Variants in SLC30A6 observed in about 807,000 individuals in gnomAD.
The protein encoded by SLC30A6 is zinc transporter 6.
A neutral mutation model predicts 63.0 loss-of-function variants in SLC30A6; 55 were observed. That is an observed-to-expected ratio of 0.87 (90% CI 0.70 to 1.09). The LOEUF is 1.09. Among genes scored for constraint, SLC30A6 ranks in the 50% least tolerant of loss-of-function variants. The pLI is 0.00. For synonymous variants in SLC30A6, 224 were observed against 186.1 expected (o/e 1.20, Z -1.66); for missense variants, 587 against 549.2 (o/e 1.07, Z -0.69).
chr2:32,178,967 G>T (rs138689444), intron 4 of SLC30A6, among the ~76,000 whole-genome samples: 1 of 152,276 alleles, frequency 6.6e-6, no homozygotes, highest in East Asian at 1.9e-4. Context: ...GAGCTCAAAT[G>T]ATCCAGCTCA....
At chr2:32,176,636 C>T (rs1024863990) in intron 4 of SLC30A6, among the ~76,000 whole-genome samples, 16 of 146,476 alleles carry the variant, frequency 1.1e-4, no homozygotes, top group African/African-American at 3.0e-4. Context: ...CCAGCCTGGG[C>T]GACAGAGTGA....
At chr2:32,202,477 C>G in intron 10 of SLC30A6, 1 of 263,270 alleles carries the variant, frequency 3.8e-6, no homozygotes, top group Non-Finnish European at 7.3e-6. Context: ...CTACAGGCAC[C>G]CGCCACCACC....
rs1682926216 is a variant in SLC30A6 at position 32,187,318 on chromosome 2, G to A, written c.284+2980G>A. On this transcript the variant is annotated intron_variant, in intron 5 of 13. Transcript: ENST00000282587. Reference sequence around the variant, plus strand: ...TAATATTTATGGTAGGCAATAAAGAGCTAGCTAGAGTATTTCTGGAAAATA... The same window carrying A: ...TAATATTTATGGTAGGCAATAAAGAACTAGCTAGAGTATTTCTGGAAAATA... 7 of 455,850 alleles carry A rather than the reference G, an allele frequency of 1.5e-5. No homozygotes were observed. In the Admixed American group the frequency reaches 1.7e-4, roughly 11 times the overall value. The allele number at this position is 455,850 out of a possible 1,614,324, so 28.2% of individuals were successfully genotyped here. A position where few individuals can be genotyped will look rare whatever the true frequency, so the allele number is the denominator to read the frequency against.
chr2:32,208,590 ATT>A (rs1031366144), intron 12 of SLC30A6, among the ~76,000 whole-genome samples: 1 of 143,294 alleles, frequency 7.0e-6, no homozygotes, highest in Admixed American at 7.0e-5. Context: ...AAATGCTGTG[ATT>A]TTTTTTTTTT....
At chr2:32,186,417 G>A (rs1682817145) in intron 5 of SLC30A6, among the ~76,000 whole-genome samples, 1 of 152,342 alleles carries the variant, frequency 6.6e-6, no homozygotes, top group Middle Eastern at 3.4e-3. Flanking sequence ...CTGGTGCGGT[G>A]GCTTACGCCT....
chr2:32,219,114 A>G (rs978899454), intron 13 of SLC30A6, among the ~76,000 whole-genome samples: 3 of 151,392 alleles, frequency 2.0e-5, no homozygotes, highest in African/African-American at 7.3e-5. Context: ...GCTCACTGCA[A>G]CCTCCGCCTC....
At position 32,186,451 on chromosome 2, in the gene SLC30A6, C is replaced by G. The variant is rs1416130916; in HGVS notation, c.284+2113C>G. On this transcript the variant is annotated intron_variant, in intron 5 of 13. Transcript: ENST00000282587. ...CTATAATCCCGGGACTTCGGGAGGC[C>G]AAGGTGGGTGGATCACCTGAGGTCA... is the stretch of plus-strand genomic sequence containing the variant. Among the ~76,000 whole-genome samples, 4 of 152,184 alleles carry G rather than the reference C, an allele frequency of 2.6e-5. No individual in the cohort carries two copies. In the East Asian group the frequency reaches 7.7e-4, roughly 29 times the overall value.
At chr2:32,207,013 A>C (rs1277640052) in intron 12 of SLC30A6, 80 bp downstream of exon 12, 3 of 1,150,198 alleles carry the variant, frequency 2.6e-6, no homozygotes, top group African/African-American at 3.1e-5. Flanking sequence ...ACTTTATTCA[A>C]CTCTACCTAG....
intron 13 of SLC30A6, among the ~76,000 whole-genome samples, chr2:32,217,731 A>ATCCT (rs1394064250): frequency 6.6e-6 from 1 of 151,508 alleles, no homozygotes; most frequent in African/African-American, 2.4e-5. Context: ...ATCATCTGTG[A>ATCCT]TTTCTTTGAG....
chr2:32,199,656 CTA>C (rs1684095489), intron 10 of SLC30A6, among the ~76,000 whole-genome samples: 1 of 152,044 alleles, frequency 6.6e-6, no homozygotes, highest in South Asian at 2.1e-4. Context: ...TTTATTCTAA[CTA>C]TATTTTTATA....
chr2:32,175,147 T>TGGCTAC (rs1194803778), intron 3 of SLC30A6, among the ~76,000 whole-genome samples, 172 bp from the exon 4 acceptor site: 1 of 152,218 alleles, frequency 6.6e-6, no homozygotes, highest in Non-Finnish European at 1.5e-5. Context: ...CAACGAACTT[T>TGGCTAC]GGCTACATAT....
chr2:32,190,114 CCTT>C (rs568435636), intron 5 of SLC30A6, among the ~76,000 whole-genome samples: 2 of 152,182 alleles, frequency 1.3e-5, no homozygotes, highest in South Asian at 4.1e-4. Context: ...AGTATCTTCT[CCTT>C]CTTAGTTGCC....
At position 32,174,548 on chromosome 2, in the gene SLC30A6, ATTTTT is replaced by A. The variant is rs11432136; in HGVS notation, c.175+421_175+425del. On this transcript the variant is annotated intron_variant, in intron 3 of 13. Transcript: ENST00000282587. The stretch of plus-strand genomic sequence containing the variant: ...GAAAAATCATTAAATCTATCTGGAG[ATTTTT>A]TTTTTTTTTTTTTTTTTTTGAGACG... 7.6e-5 allele frequency among the ~76,000 whole-genome samples: 7 copies of A among 92,302 alleles called. No homozygotes were observed. In the East Asian group the frequency reaches 1.0e-3, roughly 14 times the overall value. The allele number at this position is 92,302 out of a possible 152,430, so 60.6% of individuals were successfully genotyped here.
At chr2:32,197,915 C>T in intron 10 of SLC30A6, 89 bp downstream of exon 10, 1 of 1,502,624 alleles carries the variant, frequency 6.7e-7, no homozygotes, top group Non-Finnish European at 9.0e-7. Flanking sequence ...GGTCAAGCTT[C>T]TAGCAGTTTC....
intron 9 of SLC30A6, 119 bp downstream of exon 9, chr2:32,197,511 A>G: frequency 8.1e-7 from 1 of 1,237,798 alleles, no homozygotes; most frequent in Non-Finnish European, 1.2e-6. Flanking sequence ...CACAGGTCAG[A>G]TTGTTATTCT....
chr2:32,172,370 T>C (rs1228599514), intron 2 of SLC30A6, among the ~76,000 whole-genome samples: 1 of 152,122 alleles, frequency 6.6e-6, no homozygotes. Flanking sequence ...ATCATTATCA[T>C]TTCCCTCCTT....
intron 5 of SLC30A6, among the ~76,000 whole-genome samples, chr2:32,185,810 TC>T (rs754400319): frequency 1.3e-5 from 2 of 151,498 alleles, no homozygotes; most frequent in Non-Finnish European, 2.9e-5. Flanking sequence ...GGCTCTGCCT[TC>T]CGGGTTCCAG....
intron 8 of SLC30A6, among the ~76,000 whole-genome samples, chr2:32,196,664 A>G (rs1683817519): frequency 6.6e-6 from 1 of 152,176 alleles, no homozygotes. Context: ...TTTGAGTATC[A>G]TGTTGGTGCT....
At chr2:32,197,681 T>TA (rs1242348179) in intron 9 of SLC30A6, 26 bp from the exon 10 acceptor site, 2 of 1,613,664 alleles carry the variant, frequency 1.2e-6, no homozygotes, top group Non-Finnish European at 1.7e-6. Flanking sequence ...TGCTAATGGA[T>TA]ACTCTTTCTG....
Sources: gnomAD v4.1 joint callset for allele counts (sites outside exome capture counted in the v4.1 genomes callset) on GRCh38, gnomAD v4.1.1 for gene constraint, MANE v1.5 for transcripts, NCBI Gene and HGNC (gene_info 2026-07-23, HGNC 2026-07-21) for gene names.